Variants in HDGFL3 observed in about 807,000 individuals in gnomAD.
HDGFL3 encodes the protein hepatoma-derived growth factor-related protein 3.
A neutral mutation model predicts 27.6 loss-of-function variants in HDGFL3; 6 were observed. The observed-to-expected ratio is 0.22, with a 90% CI of 0.12 to 0.43. The LOEUF is 0.43. Among genes scored for constraint, HDGFL3 ranks in the 20% least tolerant of loss-of-function variants. The probability of loss-of-function intolerance (pLI) is 1.00; values close to 1 mark genes in which losing one functional copy is unlikely to be tolerated. For synonymous variants in HDGFL3, 88 were observed against 88.9 expected (o/e 0.99, Z 0.05); for missense variants, 207 against 250.1 (o/e 0.83, Z 1.16).
In HDGFL3 at chr15:83,169,369, C is replaced by G. The variant is rs1021781022; in HGVS notation, c.85-5294G>C. On this transcript the variant is annotated intron_variant, in intron 1 of 5. Coordinates refer to ENST00000299633, the MANE Select transcript of HDGFL3 (RefSeq NM_016073.4). ...GGCGGAGCTTGCAGTGAGCCGAGAT[C>G]GCGCCACTGCACTCCAGCCTGGGCG... The G allele has an allele frequency of 1.6e-5, 3 of 187,672 alleles. No homozygotes were observed. In the East Asian group the frequency reaches 6.5e-4, roughly 41 times the overall value. The allele number at this position is 187,672 out of a possible 1,614,324, so 11.6% of individuals were successfully genotyped here.
rs74028247 is a variant in HDGFL3 at position 83,160,585 on chromosome 15, T to A, written c.162-2544A>T. Among the ~76,000 whole-genome samples the A allele has an allele frequency of 5.7e-3, 872 of 152,184 alleles. 12 individuals are homozygous for A. The highest frequency in any genetic ancestry group is 0.02 in the African/African-American group (816 of 41,482). ...ATATTTGGGGGCAAAAAACTCAGTT[T>A]TGAATGCTACATTTAAAATCCAGTT... On this transcript the variant is annotated intron_variant, in intron 2 of 5. Transcript: ENST00000299633.
chr15:83,161,551 T>C (rs1167874747), intron 2 of HDGFL3, among the ~76,000 whole-genome samples: 5 of 152,318 alleles, frequency 3.3e-5, no homozygotes, highest in South Asian at 4.1e-4. Flanking sequence ...TTTATTTTTA[T>C]CTTGTCCCAC....
chr15:83,122,772 G>A (rs142876988), downstream of HDGFL3: 95 of 1,613,776 alleles, frequency 5.9e-5, no homozygotes, highest in East Asian at 2.2e-5. Context: ...TATGGAACAC[G>A]AATTTGCCCT....
At chr15:83,171,656 G>A (rs552081519) in intron 1 of HDGFL3, among the ~76,000 whole-genome samples, 3 of 152,132 alleles carry the variant, frequency 2.0e-5, no homozygotes, top group South Asian at 2.1e-4. Flanking sequence ...ACAAAATACC[G>A]CATGTTCTTA....
At chr15:83,140,961 C>G (rs2036758092) in intron 5 of HDGFL3, among the ~76,000 whole-genome samples, 1 of 152,092 alleles carries the variant, frequency 6.6e-6, no homozygotes, top group South Asian at 2.1e-4. Flanking sequence ...GTGAAGGGAG[C>G]ACCAAGAATG....
intron 1 of HDGFL3, among the ~76,000 whole-genome samples, chr15:83,206,181 G>C (rs958245848): frequency 6.6e-6 from 1 of 152,154 alleles, no homozygotes; most frequent in African/African-American, 2.4e-5. Context: ...CTAAATTTCA[G>C]TCTGGCCACT....
At chr15:83,166,422 C>T (rs576430817) in intron 1 of HDGFL3, among the ~76,000 whole-genome samples, 2 of 152,208 alleles carry the variant, frequency 1.3e-5, no homozygotes, top group South Asian at 2.1e-4. Flanking sequence ...TAAAGGAATT[C>T]GTTACTACTA....
At chr15:83,150,775 C>T (rs1259012207) in intron 5 of HDGFL3, among the ~76,000 whole-genome samples, 1 of 152,116 alleles carries the variant, frequency 6.6e-6, no homozygotes, top group Non-Finnish European at 1.5e-5. Flanking sequence ...AATATTCAAA[C>T]ATTGCTTGCA....
intron 1 of HDGFL3, among the ~76,000 whole-genome samples, chr15:83,175,842 A>G (rs2037303116): frequency 6.6e-6 from 1 of 152,266 alleles, no homozygotes; most frequent in Non-Finnish European, 1.5e-5. Flanking sequence ...TCTGGGCGAC[A>G]GAGCGAGACT....
chr15:83,204,050 T>C (rs2037684977), intron 1 of HDGFL3, among the ~76,000 whole-genome samples: 1 of 148,924 alleles, frequency 6.7e-6, no homozygotes, highest in Admixed American at 6.8e-5. Context: ...TGCTATTTAA[T>C]GTTAGAATAA....
chr15:83,185,853 C>G (rs1208127774), intron 1 of HDGFL3: 2 of 152,248 alleles, frequency 1.3e-5, no homozygotes, highest in Non-Finnish European at 2.9e-5. Context: ...GGATTGGATG[C>G]CACTTCTAAG....
rs1429866945 is a variant in HDGFL3 at position 83,207,532 on chromosome 15, C to T, written c.-118G>A. 2.6e-6 allele frequency: 2 copies of T among 760,380 alleles called. No homozygotes were observed. Among genetic ancestry groups the T allele is most frequent in the Non-Finnish European group, 1.8e-6 (1 of 560,424 alleles). The allele number at this position is 760,380 out of a possible 1,614,324, so 47.1% of individuals were successfully genotyped here. The stretch of plus-strand genomic sequence containing the variant: ...GCGGGCCTCAAGCCGGGCGGACGAG[C>T]GGCCGCTCCGACGAGGGGAAGCGGC... On this transcript the variant is annotated 5_prime_UTR_variant, in exon 1 of 6. Coordinates refer to ENST00000299633, the MANE Select transcript of HDGFL3 (RefSeq NM_016073.4). The surrounding 1 kb of genome is among the most constrained non-coding windows in gnomAD (Gnocchi z 4.8).
At chr15:83,171,104 G>A (rs930201907) in intron 1 of HDGFL3, among the ~76,000 whole-genome samples, 2 of 152,038 alleles carry the variant, frequency 1.3e-5, no homozygotes, top group African/African-American at 4.8e-5. Context: ...CAACGTGCAG[G>A]TTTGTTACAT....
chr15:83,145,670 G>A (rs1205826661), intron 5 of HDGFL3, among the ~76,000 whole-genome samples: 1 of 151,918 alleles, frequency 6.6e-6, no homozygotes, highest in Non-Finnish European at 1.5e-5. Context: ...CAGACTCCCT[G>A]GATTATTCTC....
At chr15:83,127,238 C>T, downstream of HDGFL3, 1 of 974,798 alleles carries the variant, frequency 1.0e-6, no homozygotes, top group Non-Finnish European at 1.4e-6. Flanking sequence ...AAAAAAGAGT[C>T]CCATATAGGA....
chr15:83,136,799 T>A lies in HDGFL3; in HGVS notation c.*2471A>T. 9.2e-6 allele frequency: 7 copies of A among 761,300 alleles called. No individual in the cohort carries two copies. The highest frequency in any genetic ancestry group is 1.2e-5 in the Non-Finnish European group (6 of 490,054). 47.2% of individuals were successfully genotyped at this position (761,300 alleles called of 1,614,324 possible). ...GAATATGTACATTCTTGCTCTGCAC[T>A]GTATGTGTGAGCTATATGGTATTGT... On this transcript the variant is annotated 3_prime_UTR_variant, in exon 6 of 6. Transcript: ENST00000299633.
downstream of HDGFL3, chr15:83,122,849 C>T (rs756695221): frequency 5.6e-6 from 9 of 1,613,970 alleles, no homozygotes; most frequent in South Asian, 9.9e-5. Context: ...CTATAATCAG[C>T]CATCAGAAAA....
exon 4 of HDGFL3, chr15:83,112,936 T>C (rs1309414787): frequency 2.0e-6 from 3 of 1,476,364 alleles, no homozygotes; most frequent in Non-Finnish European, 2.8e-6. Context: ...TTGTATCTGA[T>C]TAATAACACA....
In HDGFL3 at chr15:83,134,544, T is replaced by A. The variant is rs2036485391; in HGVS notation, c.*4726A>T. ...GGCCATGATTCACTTAATGTTGCCA[T>A]GAGTTTGCTGTTCATGAAAGTGAGG... On this transcript the variant is annotated 3_prime_UTR_variant, in exon 6 of 6. Transcript: ENST00000299633. The A allele has an allele frequency of 6.6e-6, 1 of 152,200 alleles. No homozygotes were observed. Among genetic ancestry groups the A allele is most frequent in the Non-Finnish European group, 1.5e-5 (1 of 68,084 alleles). 9.4% of individuals were successfully genotyped at this position (152,200 alleles called of 1,614,324 possible). A position where few individuals can be genotyped will look rare whatever the true frequency, so the allele number is the denominator to read the frequency against.
Sources: allele counts gnomAD v4.1 joint callset (sites outside exome capture counted in the v4.1 genomes callset), GRCh38; gene constraint gnomAD v4.1.1; non-coding constraint Gnocchi (gnomAD v3.1); transcripts MANE v1.5; gene names NCBI Gene and HGNC (gene_info 2026-07-23, HGNC 2026-07-21).